The following H6PD variants were observed in gnomAD, a reference collection of about 807,000 sequenced individuals.
The protein encoded by H6PD is hexose-6-phosphate dehydrogenase/glucose 1-dehydrogenase, also known as GDH/6PGL endoplasmic bifunctional protein.
In H6PD, 48 loss-of-function variants were observed where a neutral mutation model predicts 61.2. That is an observed-to-expected ratio of 0.78 (90% CI 0.62 to 1.00). H6PD has a LOEUF of 1.00. Ranked by LOEUF, H6PD falls within the 50% of genes least tolerant of loss-of-function variation. H6PD has a pLI of 0.00. For synonymous variants in H6PD, 480 were observed against 457.9 expected, an observed-to-expected ratio of 1.05 and a Z score of -0.62; for missense variants, 1,093 against 1,065.0, an observed-to-expected ratio of 1.03 and a Z score of -0.37.
intron 1 of H6PD, among the ~76,000 whole-genome samples, chr1:9,236,188 A>G (rs1640844686): frequency 6.6e-6 from 1 of 152,124 alleles, no homozygotes; most frequent in South Asian, 2.1e-4. Flanking sequence ...ACAGGGTTTC[A>G]CTATGTTATC....
Position 9,245,319 on chromosome 1 carries a change from C to T in H6PD, c.385C>T (p.Gln129Ter), listed in dbSNP as rs932837307. 1.9e-6 allele frequency: 3 copies of T among 1,614,116 alleles called. No homozygotes were observed. Among genetic ancestry groups the T allele is most frequent in the African/African-American group, 1.3e-5 (1 of 74,936 alleles). ...GAACAAGGACATCGAGGCACAGCTC[C>T]AGCACGCAGGCCTCCGGGAGGCTGG... ...ALNKDIEAQL[Q>*]HAGLREAGRI... is the part of the protein sequence containing the mutation. The change falls in exon 2 of 5, where the codon CAG becomes TAG. Residue 129 changes from glutamine (Q) to a stop codon, truncating the protein, a stop_gained. Coordinates refer to ENST00000377403, the MANE Select transcript of H6PD (RefSeq NM_004285.4). LOFTEE classifies it high-confidence loss of function. The surrounding 1 kb of genome is among the most constrained non-coding windows in gnomAD (Gnocchi z 4.8).
intron 3 of H6PD, among the ~76,000 whole-genome samples, chr1:9,260,992 A>C (rs1638263445): frequency 1.3e-5 from 2 of 151,854 alleles, no homozygotes; most frequent in South Asian, 4.2e-4. Flanking sequence ...CACCCACCCC[A>C]TCTGTCAGCA....
intron 4 of H6PD, 112 bp downstream of exon 4, chr1:9,262,440 C>T (rs1215457768): frequency 1.9e-6 from 2 of 1,040,830 alleles, no homozygotes; most frequent in Non-Finnish European, 2.8e-6. Flanking sequence ...GGGATTTCCC[C>T]CAGGGTGCTC....
rs1416186417 is a variant in H6PD, at chr1:9,270,105, G to A, written c.*5236G>A. 1 of 152,650 alleles carries A rather than the reference G, an allele frequency of 6.6e-6. No individual in the cohort carries two copies. The highest frequency in any genetic ancestry group is 1.5e-5 in the Non-Finnish European group (1 of 68,052). The allele number at this position is 152,650 out of a possible 1,614,324, so 9.5% of individuals were successfully genotyped here. A position where few individuals can be genotyped will look rare whatever the true frequency, so the allele number is the denominator to read the frequency against. On this transcript the variant is annotated 3_prime_UTR_variant, in exon 5 of 5. Transcript: ENST00000377403. ...CTTCTGTTTGCAAAGCGCTGGGGAT[G>A]TGCCTGTCTCTGTGTGACCCACGAA...
In H6PD at chr1:9,264,328, C is replaced by T; in HGVS notation, c.1835C>T (p.Ala612Val). The change falls in exon 5 of 5, where the codon GCC becomes GTC. Residue 612 changes from alanine to valine, a missense_variant. By Grantham distance (64) the Ala-to-Val change is moderately conservative (BLOSUM62 0). Coordinates refer to ENST00000377403, the MANE Select transcript of H6PD (RefSeq NM_004285.4). ...LATAHYGFPWAHTHLWLVDER... is the reference protein window; with the variant it reads ...LATAHYGFPWVHTHLWLVDER... ...ACGGCGCACTATGGCTTCCCCTGGG[C>T]CCACACGCACCTGTGGCTGGTTGAC... 6.2e-7 allele frequency: 1 copy of T among 1,611,886 alleles called. No individual in the cohort carries two copies. The highest frequency in any genetic ancestry group is 8.5e-7 in the Non-Finnish European group (1 of 1,179,768).
rs1396233979 is a variant in H6PD, at chr1:9,268,576, G to C, written c.*3707G>C. ...GAAGGAATCAAGGGACTTTAAGCTA[G>C]ATCAAAATCTGGGGACAAATTCTCC... On this transcript the variant is annotated 3_prime_UTR_variant, in exon 5 of 5. Transcript: ENST00000377403. 1 of 152,266 alleles carries C rather than the reference G, an allele frequency of 6.6e-6. No homozygotes were observed. Among genetic ancestry groups the C allele is most frequent in the African/African-American group, 2.4e-5 (1 of 41,468 alleles). The allele number at this position is 152,266 out of a possible 1,614,324, so 9.4% of individuals were successfully genotyped here.
In H6PD at chr1:9,237,385, A is replaced by C. The variant is rs577920987; in HGVS notation, c.-11+2319A>C. On this transcript the variant is annotated intron_variant, in intron 1 of 4. Transcript: ENST00000377403. ...GTAGCTGGGATTACAGGCACCTGCC[A>C]CCACGCCTGGCTAATTTTTGTATTG... Among the ~76,000 whole-genome samples, 4 of 151,696 alleles carry C rather than the reference A, an allele frequency of 2.6e-5. No individual in the cohort carries two copies. In the South Asian group the frequency reaches 8.3e-4, roughly 32 times the overall value.
chr1:9,237,213 C>G (rs900461198), intron 1 of H6PD, among the ~76,000 whole-genome samples: 1 of 131,608 alleles, frequency 7.6e-6, no homozygotes, highest in African/African-American at 2.8e-5. Flanking sequence ...GCTGCTTGAC[C>G]TTTGGTAAGT....
At position 9,268,722 on chromosome 1, in the gene H6PD, G is replaced by A. The variant is rs998242716; in HGVS notation, c.*3853G>A. 1.3e-5 allele frequency: 2 copies of A among 152,148 alleles called. No individual in the cohort carries two copies. The highest frequency in any genetic ancestry group is 4.8e-5 in the African/African-American group (2 of 41,414). 9.4% of individuals were successfully genotyped at this position (152,148 alleles called of 1,614,324 possible). A position where few individuals can be genotyped will look rare whatever the true frequency, so the allele number is the denominator to read the frequency against. On this transcript the variant is annotated 3_prime_UTR_variant, in exon 5 of 5. Transcript: ENST00000377403. ...AGCAGAGTAATCAAAGCTTCCTACC[G>A]TTTGGCCTACTATTCCAGACTAGTC...
rs1250802903 is a variant in H6PD at position 9,264,791 on chromosome 1, G to T, written c.2298G>T (p.Lys766Asn). 1 of 1,613,114 alleles carries T rather than the reference G, an allele frequency of 6.2e-7. No homozygotes were observed. Among genetic ancestry groups the T allele is most frequent in the South Asian group, 1.1e-5 (1 of 91,084 alleles). ...TLVSRVGHEP[K>N]KWPISGVLPH... Reference sequence around the variant, plus strand: ...TGAGCCGGGTGGGCCATGAGCCCAAGAAGTGGCCCATCTCGGGTGTCCTGC... The same window carrying T: ...TGAGCCGGGTGGGCCATGAGCCCAATAAGTGGCCCATCTCGGGTGTCCTGC... The change falls in exon 5 of 5, where the codon AAG (lysine) becomes AAT (asparagine). Residue 766 changes from lysine to asparagine, a missense_variant. Transcript: ENST00000377403.
In H6PD at chr1:9,267,071, C is replaced by A. The variant is rs1311223139; in HGVS notation, c.*2202C>A. The A allele has an allele frequency of 1.3e-5, 2 of 152,786 alleles. No homozygotes were observed. The highest frequency in any genetic ancestry group is 4.8e-5 in the African/African-American group (2 of 41,586). 9.5% of individuals were successfully genotyped at this position (152,786 alleles called of 1,614,324 possible). A position where few individuals can be genotyped will look rare whatever the true frequency, so the allele number is the denominator to read the frequency against. On this transcript the variant is annotated 3_prime_UTR_variant, in exon 5 of 5. Coordinates refer to ENST00000377403, the MANE Select transcript of H6PD (RefSeq NM_004285.4). ...CTGAGCTCAGGCAGTCTACCCACCTCAGCCTCCCAAAGTGCTGGGATTACA... is the reference window on the plus strand; with the variant it reads ...CTGAGCTCAGGCAGTCTACCCACCTAAGCCTCCCAAAGTGCTGGGATTACA...
In H6PD at chr1:9,266,587, A is replaced by T. The variant is rs1309205044; in HGVS notation, c.*1718A>T. ...TCTGTCTGGCTTCTCCGCACCTTCC[A>T]CTTGCTCTCTGGATCAGGCAGATAT... On this transcript the variant is annotated 3_prime_UTR_variant, in exon 5 of 5. Coordinates refer to ENST00000377403, the MANE Select transcript of H6PD (RefSeq NM_004285.4). 6.6e-6 allele frequency: 1 copy of T among 152,196 alleles called. No homozygotes were observed. The highest frequency in any genetic ancestry group is 1.5e-5 in the Non-Finnish European group (1 of 68,054). 9.4% of individuals were successfully genotyped at this position (152,196 alleles called of 1,614,324 possible).
At chr1:9,255,624 C>T (rs139890358) in intron 3 of H6PD, among the ~76,000 whole-genome samples, 199 of 152,212 alleles carry the variant, frequency 1.3e-3, no homozygotes, top group African/African-American at 4.5e-3. Context: ...TTTTCCTGTT[C>T]TATTATTGCA....
intron 3 of H6PD, among the ~76,000 whole-genome samples, chr1:9,248,416 C>T (rs1210890754): frequency 6.6e-6 from 1 of 152,226 alleles, no homozygotes. Context: ...AGGTACAAAA[C>T]TCAGCCTCTC....
At chr1:9,261,796 T>C (rs1222606056) in intron 3 of H6PD, among the ~76,000 whole-genome samples, 2 of 152,258 alleles carry the variant, frequency 1.3e-5, no homozygotes, top group Admixed American at 1.3e-4. Context: ...AATAGAGCTT[T>C]CTTCATGTGG....
At chr1:9,261,964 T>A (rs1638318145) in intron 3 of H6PD, 95 bp from the exon 4 acceptor site, 1 of 1,252,272 alleles carries the variant, frequency 8.0e-7, no homozygotes, top group Non-Finnish European at 1.2e-6. Flanking sequence ...GGATGCAGGA[T>A]GAATGTGCGG....
Position 9,264,698 on chromosome 1 carries a change from C to G in H6PD, c.2205C>G (p.Leu735=). ...GCCGCATGAGCCTTAGCCTGCCTCT[C>G]ATCAACCGCGCCAAGAAGGTGGCAG... ...PHRRMSLSLP[L]INRAKKVAVL... Residue 735 remains leucine (L), a synonymous_variant, in exon 5 of 5, where the codon CTC becomes CTG. Coordinates refer to ENST00000377403, the MANE Select transcript of H6PD (RefSeq NM_004285.4). 2 of 1,613,464 alleles carry G rather than the reference C, an allele frequency of 1.2e-6. No homozygotes were observed. Among genetic ancestry groups the G allele is most frequent in the Non-Finnish European group, 1.7e-6 (2 of 1,180,026 alleles).
At chr1:9,246,076 C>T (rs1006169075) in intron 2 of H6PD, among the ~76,000 whole-genome samples, 2 of 151,828 alleles carry the variant, frequency 1.3e-5, no homozygotes, top group African/African-American at 2.4e-5. Context: ...CCAAGTAGCT[C>T]GGAGTACAGG....
At chr1:9,247,326 C>G (rs1273965723) in intron 3 of H6PD, among the ~76,000 whole-genome samples, 3 of 152,184 alleles carry the variant, frequency 2.0e-5, no homozygotes, top group Non-Finnish European at 4.4e-5. Flanking sequence ...AGGCGGGAAA[C>G]CACTGGCACG....
Sources: gnomAD v4.1 joint callset for allele counts (sites outside exome capture counted in the v4.1 genomes callset) on GRCh38, gnomAD v4.1.1 for gene constraint, Gnocchi (gnomAD v3.1) non-coding constraint, MANE v1.5 for transcripts, NCBI Gene and HGNC (gene_info 2026-07-23, HGNC 2026-07-21) for gene names.